Variants in TCP11L2 observed in about 807,000 individuals in gnomAD.
The protein encoded by TCP11L2 is t-complex 11 like 2, also known as T-complex protein 11-like protein 2.
Under a neutral mutation model 50.7 loss-of-function variants are expected in TCP11L2, and 39 were observed. The ratio of observed to expected loss-of-function variants is 0.77; its 90% CI spans 0.60 to 1.01. The LOEUF (loss-of-function observed/expected upper bound fraction) is 1.01, where lower values mean the gene tolerates loss of function less well. TCP11L2 is among the 50% of genes least tolerant of loss of function. The pLI is 0.00. For synonymous variants in TCP11L2, 192 were observed against 219.3 expected, an observed-to-expected ratio of 0.88 and a Z score of 1.10; for missense variants, 612 against 614.7, an observed-to-expected ratio of 1.00 and a Z score of 0.05.
intron 6 of TCP11L2, among the ~76,000 whole-genome samples, chr12:106,332,676 TTTC>T (rs775930031): frequency 1.6e-4 from 24 of 152,182 alleles, no homozygotes; most frequent in Non-Finnish European, 2.9e-4. Flanking sequence ...TGATGAGGGC[TTTC>T]TTCCTGGCAC....
chr12:106,308,370 C>G (rs2034715826), intron 1 of TCP11L2, among the ~76,000 whole-genome samples: 3 of 152,232 alleles, frequency 2.0e-5, no homozygotes, highest in Admixed American at 2.0e-4. Context: ...GGACTCCTGA[C>G]TCCCAATTAT....
Position 106,321,581 on chromosome 12 carries a change from C to A in TCP11L2, c.510C>A (p.His170Gln), listed in dbSNP as rs754073751. 2 of 1,614,200 alleles carry A rather than the reference C, an allele frequency of 1.2e-6. No individual in the cohort carries two copies. The highest frequency in any genetic ancestry group is 3.3e-5 in the Admixed American group (2 of 60,036). Reference sequence around the variant, plus strand: ...ACCTCATTAGGCAGCAGGCTGAGCACAGTGCTGTTGACATCCAAGGCCTGG... The same window carrying A: ...ACCTCATTAGGCAGCAGGCTGAGCAAAGTGCTGTTGACATCCAAGGCCTGG... ...DTDLIRQQAE[H>Q]SAVDIQGLAN... Residue 170 changes from histidine (H) to glutamine (Q), a missense_variant, in exon 5 of 10, where the codon CAC (histidine) becomes CAA (glutamine). Coordinates refer to ENST00000299045, the MANE Select transcript of TCP11L2 (RefSeq NM_152772.3).
intron 5 of TCP11L2, among the ~76,000 whole-genome samples, chr12:106,322,252 A>G (rs1358612887): frequency 6.6e-6 from 1 of 152,076 alleles, no homozygotes; most frequent in African/African-American, 2.4e-5. Flanking sequence ...GCTTGGCTCT[A>G]CCCTTGCTCA....
chr12:106,299,656 T>C (rs2034381880), upstream of TCP11L2, among the ~76,000 whole-genome samples: 1 of 152,106 alleles, frequency 6.6e-6, no homozygotes, highest in Admixed American at 6.5e-5. Flanking sequence ...GAAACTCAGA[T>C]AAACACAGTA....
intron 2 of TCP11L2, among the ~76,000 whole-genome samples, chr12:106,313,624 G>A (rs7298576): frequency 0.78 from 116,931 of 150,338 alleles, 46,885 homozygotes; most frequent in African/African-American, 0.95. Context: ...TAAATATTAC[G>A]GTTTTAAAAA....
chr12:106,302,321 C>G (rs1244409839), upstream of TCP11L2, among the ~76,000 whole-genome samples: 1 of 43,132 alleles, frequency 2.3e-5, no homozygotes, highest in Non-Finnish European at 5.2e-5. Context: ...GCCCCCGCTC[C>G]CCCCGCTCAG....
chr12:106,343,027 T>C (rs2036133775), intron 9 of TCP11L2, among the ~76,000 whole-genome samples: 1 of 152,224 alleles, frequency 6.6e-6, no homozygotes, highest in Admixed American at 6.5e-5. Context: ...GCATTTTTAA[T>C]CTCATTCAAA....
chr12:106,321,737 A>G, intron 5 of TCP11L2, 31 bp downstream of exon 5: 1 of 1,582,930 alleles, frequency 6.3e-7, no homozygotes, highest in Non-Finnish European at 8.7e-7. Flanking sequence ...CATTTCCTAG[A>G]GTATCTTTGA....
At chr12:106,330,012 CACCTGTGTTCAGGCT>C in intron 6 of TCP11L2, 1 of 985,474 alleles carries the variant, frequency 1.0e-6, no homozygotes, top group South Asian at 4.7e-5. Context: ...CTCTACTCTG[CACCTGTGTTCAGGCT>C]GTATTTCTTG....
chr12:106,346,711 ACGTAAACAT>A lies in TCP11L2; in HGVS notation c.*183_*191del. ...CACACATCACATAGACCCTCAGAAG[ACGTAAACAT>A]CACATAGACCCTATTTGTGCATCAT... On this transcript the variant is annotated 3_prime_UTR_variant, in exon 10 of 10. Transcript: ENST00000299045. 1.6e-6 allele frequency: 1 copy of A among 633,996 alleles called. No individual in the cohort carries two copies. The highest frequency in any genetic ancestry group is 3.3e-5 in the Admixed American group (1 of 30,012). The allele number at this position is 633,996 out of a possible 1,614,324, so 39.3% of individuals were successfully genotyped here.
intron 6 of TCP11L2, among the ~76,000 whole-genome samples, chr12:106,329,163 T>C (rs2035659722): frequency 6.6e-6 from 1 of 152,220 alleles, no homozygotes; most frequent in African/African-American, 2.4e-5. Context: ...TTGCTTGTTC[T>C]GGTGTCTGTC....
At chr12:106,322,872 C>G (rs77334760) in intron 5 of TCP11L2, among the ~76,000 whole-genome samples, 6 of 152,164 alleles carry the variant, frequency 3.9e-5, no homozygotes, top group Admixed American at 3.9e-4. Context: ...TTCTAGTTGT[C>G]GTATTACCCT....
intron 9 of TCP11L2, among the ~76,000 whole-genome samples, chr12:106,342,755 C>T (rs1247373886): frequency 6.6e-6 from 1 of 152,226 alleles, no homozygotes; most frequent in Non-Finnish European, 1.5e-5. Context: ...CTGTCTTCCC[C>T]AGCCTGTCTG....
intron 2 of TCP11L2, 39 bp downstream of exon 2, chr12:106,311,271 G>C: frequency 6.2e-7 from 1 of 1,603,610 alleles, no homozygotes; most frequent in Non-Finnish European, 8.5e-7. Context: ...GGTGGCAGGG[G>C]TACTTCTAGA....
At chr12:106,323,956 T>C (rs1212558847) in intron 6 of TCP11L2, 1 of 154,750 alleles carries the variant, frequency 6.5e-6, no homozygotes, top group Non-Finnish European at 1.4e-5. Context: ...CTAAGCACTA[T>C]TCGTTTCTTC....
chr12:106,328,279 C>T lies in TCP11L2; in HGVS notation c.772+4633C>T, dbSNP rs934301053. Among the ~76,000 whole-genome samples, 11 of 152,352 alleles carry T rather than the reference C, an allele frequency of 7.2e-5. No individual in the cohort carries two copies. In the East Asian group the frequency reaches 2.1e-3, roughly 29 times the overall value. Reference sequence around the variant, plus strand: ...AAACAGTGGAGGCTGGGCGCCATGGCTTACGCCTGTAATCCCAGCACTTTG... The same window carrying T: ...AAACAGTGGAGGCTGGGCGCCATGGTTTACGCCTGTAATCCCAGCACTTTG... On this transcript the variant is annotated intron_variant, in intron 6 of 9. Coordinates refer to ENST00000299045, the MANE Select transcript of TCP11L2 (RefSeq NM_152772.3).
intron 6 of TCP11L2, among the ~76,000 whole-genome samples, chr12:106,326,669 T>TAAGTACTAGATG (rs1450194707): frequency 6.6e-6 from 1 of 152,146 alleles, no homozygotes; most frequent in Non-Finnish European, 1.5e-5. Context: ...TCTAGATGAC[T>TAAGTACTAGATG]ACTAGTAAGG....
At chr12:106,338,660 A>G (rs1448721753) in intron 8 of TCP11L2, among the ~76,000 whole-genome samples, 2 of 152,218 alleles carry the variant, frequency 1.3e-5, no homozygotes, top group Admixed American at 1.3e-4. Context: ...AGTGATTTCT[A>G]TTCCTTTGGG....
chr12:106,309,380 A>C (rs1371730238), intron 1 of TCP11L2, among the ~76,000 whole-genome samples: 1 of 151,562 alleles, frequency 6.6e-6, no homozygotes, highest in East Asian at 1.9e-4. Context: ...GAGTGTCTCC[A>C]CTCCACTCCT....
Sources: gnomAD v4.1 joint callset for allele counts (sites outside exome capture counted in the v4.1 genomes callset) on GRCh38, gnomAD v4.1.1 for gene constraint, MANE v1.5 for transcripts, NCBI Gene and HGNC (gene_info 2026-07-23, HGNC 2026-07-21) for gene names.